Variants in NR3C2 observed in about 807,000 individuals in gnomAD.
The protein encoded by NR3C2 is mineralocorticoid receptor.
NR3C2 carries 15 observed loss-of-function variants against 86.4 expected under a neutral mutation model. The observed-to-expected ratio is 0.17, with a 90% CI of 0.12 to 0.27. The LOEUF (loss-of-function observed/expected upper bound fraction) is 0.27. Ranked by LOEUF, NR3C2 falls within the 10% of genes least tolerant of loss-of-function variation. The pLI, the probability that NR3C2 is intolerant of heterozygous loss-of-function variation, is 1.00. For synonymous variants in NR3C2, 458 were observed against 450.5 expected, an observed-to-expected ratio of 1.02 and a Z score of -0.21; for missense variants, 960 against 1,195.6, an observed-to-expected ratio of 0.80 and a Z score of 2.91.
chr4:148,399,938 G>A (rs1748058495), intron 2 of NR3C2, among the ~76,000 whole-genome samples: 1 of 152,138 alleles, frequency 6.6e-6, no homozygotes, highest in African/African-American at 2.4e-5. Flanking sequence ...CTACTTTAAT[G>A]TCTTCCAAAA....
chr4:148,130,840 T>TTTTG, intron 6 of NR3C2, among the ~76,000 whole-genome samples: 1 of 125,866 alleles, frequency 7.9e-6, no homozygotes, highest in Non-Finnish European at 1.7e-5. Flanking sequence ...TTTTTTTTTT[T>TTTTG]TGAGACAGAG....
chr4:148,198,587 A>AT (rs2149805819), intron 3 of NR3C2, among the ~76,000 whole-genome samples: 1 of 152,316 alleles, frequency 6.6e-6, no homozygotes, highest in South Asian at 2.1e-4. Context: ...TGTTTCTAGC[A>AT]TTGGTATCTT....
At chr4:148,375,855 G>A (rs540732170) in intron 2 of NR3C2, among the ~76,000 whole-genome samples, 9 of 151,946 alleles carry the variant, frequency 5.9e-5, no homozygotes, top group Non-Finnish European at 8.8e-5. Context: ...AAATAATGCA[G>A]GTGCATTAAA....
chr4:148,224,983 T>A (rs543355734), intron 3 of NR3C2, among the ~76,000 whole-genome samples: 2 of 152,198 alleles, frequency 1.3e-5, no homozygotes, highest in Admixed American at 6.5e-5. Flanking sequence ...GCAAAACTGA[T>A]GAACAAAGAG....
At chr4:148,234,523 A>C (rs959720466) in intron 3 of NR3C2, among the ~76,000 whole-genome samples, 1 of 152,072 alleles carries the variant, frequency 6.6e-6, no homozygotes, top group Admixed American at 6.6e-5. Context: ...TGTACTAAAA[A>C]ATACAAAAAA....
intron 2 of NR3C2, among the ~76,000 whole-genome samples, chr4:148,404,817 A>G (rs1386818338): frequency 6.6e-6 from 1 of 152,194 alleles, no homozygotes; most frequent in African/African-American, 2.4e-5. Context: ...TTTATTTGTA[A>G]TATTTGCCTC....
intron 3 of NR3C2, among the ~76,000 whole-genome samples, chr4:148,202,514 G>A (rs1736777735): frequency 6.6e-6 from 1 of 152,218 alleles, no homozygotes; most frequent in Non-Finnish European, 1.5e-5. Context: ...GGGCTCAGAT[G>A]ACAGGCCCTT....
chr4:148,411,121 C>T (rs1283245206), intron 2 of NR3C2, among the ~76,000 whole-genome samples: 2 of 152,014 alleles, frequency 1.3e-5, no homozygotes, highest in Non-Finnish European at 2.9e-5. Flanking sequence ...ATCAACTGCC[C>T]GTCCCCCACC....
chr4:148,308,950 T>G (rs944991411), intron 2 of NR3C2, among the ~76,000 whole-genome samples: 1 of 152,146 alleles, frequency 6.6e-6, no homozygotes, highest in Admixed American at 6.5e-5. Context: ...GCCACTGCAC[T>G]CCAGCCTGGG....
rs147817840 is a variant in NR3C2 at position 148,433,988 on chromosome 4, G to A, written c.1757+1116C>T. Among the ~76,000 whole-genome samples the A allele has an allele frequency of 4.6e-5, 7 of 152,208 alleles. No homozygotes were observed. In the East Asian group the frequency reaches 1.3e-3, roughly 29 times the overall value. ...CAAGAAAAGCAAGGTTTGAGGCAAT[G>A]ACAATAAGAAGAATACATAAAGTTT... On this transcript the variant is annotated intron_variant, in intron 2 of 8. Coordinates refer to ENST00000358102, the MANE Select transcript of NR3C2 (RefSeq NM_000901.5).
intron 2 of NR3C2, among the ~76,000 whole-genome samples, chr4:148,431,379 G>A (rs934930749): frequency 6.6e-6 from 1 of 152,096 alleles, no homozygotes; most frequent in Non-Finnish European, 1.5e-5. Flanking sequence ...TTCTTCAAAG[G>A]AAATTACACT....
chr4:148,303,639 C>T lies in NR3C2; in HGVS notation c.1758-43522G>A, dbSNP rs368714884. 2.1e-4 allele frequency among the ~76,000 whole-genome samples: 32 copies of T among 152,140 alleles called. 1 individual carries two copies. The East Asian group carries it at 3.1e-3, about 15-fold the overall frequency. ...GAGATGCATTTTTGGTCCCAAACTC[C>T]ATTCCAAGCTTCACGTTGAAGTCCT... On this transcript the variant is annotated intron_variant, in intron 2 of 8. Transcript: ENST00000358102.
chr4:148,348,810 C>T (rs988170573), intron 2 of NR3C2, among the ~76,000 whole-genome samples: 3 of 152,108 alleles, frequency 2.0e-5, no homozygotes, highest in African/African-American at 7.2e-5. Flanking sequence ...TTCTAATATA[C>T]AATAATCCAA....
At chr4:148,168,034 G>C (rs1386876137) in intron 4 of NR3C2, among the ~76,000 whole-genome samples, 2 of 152,216 alleles carry the variant, frequency 1.3e-5, no homozygotes, top group African/African-American at 2.4e-5. Flanking sequence ...AACCTTGAGA[G>C]AGTCTGAAGA....
chr4:148,221,986 G>T (rs1358475886), intron 3 of NR3C2, among the ~76,000 whole-genome samples: 1 of 151,264 alleles, frequency 6.6e-6, no homozygotes, highest in Non-Finnish European at 1.5e-5. Context: ...GTGCATACAT[G>T]TCTGTGTATG....
At chr4:148,204,479 T>G (rs1181517395) in intron 3 of NR3C2, among the ~76,000 whole-genome samples, 3 of 152,178 alleles carry the variant, frequency 2.0e-5, no homozygotes, top group African/African-American at 7.2e-5. Context: ...AAAAATCCTA[T>G]GGGGGGAGTC....
chr4:148,226,006 T>G (rs975252367), intron 3 of NR3C2, among the ~76,000 whole-genome samples: 5 of 152,154 alleles, frequency 3.3e-5, no homozygotes, highest in African/African-American at 1.2e-4. Context: ...AAATAAAATA[T>G]AAGCCTTTAT....
intron 3 of NR3C2, among the ~76,000 whole-genome samples, chr4:148,232,855 C>T (rs1738536485): frequency 6.6e-6 from 1 of 152,234 alleles, no homozygotes; most frequent in Non-Finnish European, 1.5e-5. Context: ...CTTCGCCTTG[C>T]ACTTGGAGAC....
chr4:148,314,637 A>G (rs990415638), intron 2 of NR3C2, among the ~76,000 whole-genome samples: 2 of 152,162 alleles, frequency 1.3e-5, no homozygotes, highest in Non-Finnish European at 2.9e-5. Flanking sequence ...CAGTTTTGTA[A>G]TTTCCTAGAA....
Sources: allele counts gnomAD v4.1 joint callset (sites outside exome capture counted in the v4.1 genomes callset), GRCh38; gene constraint gnomAD v4.1.1; transcripts MANE v1.5; gene names NCBI Gene and HGNC (gene_info 2026-07-23, HGNC 2026-07-21).